CTPS1: variants seen among roughly 807,000 people sequenced by gnomAD.
The protein encoded by CTPS1 is CTP synthase 1.
In CTPS1, 25 loss-of-function variants were observed where a neutral mutation model predicts 80.5. That is an observed-to-expected ratio of 0.31 (90% CI 0.23 to 0.43). The LOEUF (loss-of-function observed/expected upper bound fraction) is 0.43, where lower values mean the gene tolerates loss of function less well. CTPS1 is among the 20% of genes least tolerant of loss of function. The pLI is 1.00. For missense variants in CTPS1, 442 were observed against 725.7 expected (o/e 0.61, Z 4.49); for synonymous variants, 267 against 252.5 (o/e 1.06, Z -0.54).
In CTPS1 at chr1:40,988,525, G is replaced by A. The variant is rs767718725; in HGVS notation, c.439-69G>A. 9.4e-5 allele frequency: 93 copies of A among 985,096 alleles called. 1 individual carries two copies. The highest frequency in any genetic ancestry group is 1.5e-4 in the Non-Finnish European group (90 of 613,434). The allele number at this position is 985,096 out of a possible 1,614,324, so 61.0% of individuals were successfully genotyped here. On this transcript the variant is annotated intron_variant, in intron 4 of 18. Transcript: ENST00000650070. The stretch of plus-strand genomic sequence containing the variant: ...GATACTGAATCAGGAAGACAGAACA[G>A]TTGTTAGAAAACTAAACTGCCAGAG...
At chr1:41,010,639 TGAAG>T (rs1643149550) in intron 18 of CTPS1, among the ~76,000 whole-genome samples, 1 of 152,166 alleles carries the variant, frequency 6.6e-6, no homozygotes, top group South Asian at 2.1e-4. Context: ...TTGGAGATCT[TGAAG>T]GAAGGGACAG....
intron 14 of CTPS1, among the ~76,000 whole-genome samples, chr1:41,008,159 C>A (rs1643081183): frequency 1.3e-5 from 2 of 152,096 alleles, no homozygotes. Flanking sequence ...TTGGGGATCT[C>A]GAGGCAACTG....
In CTPS1 at chr1:40,983,348, G is replaced by A. The variant is rs545128484; in HGVS notation, c.58G>A (p.Ala20Thr). Residue 20 changes from alanine to threonine, a missense_variant, in exon 2 of 19, where the codon GCC becomes ACC. Physicochemically the swap from Ala to Thr is moderately conservative, Grantham distance 58 (BLOSUM62 0). This residue lies in a region of CTPS1 where 25 missense variants were observed against 72.7 expected (regional missense o/e 0.34). Coordinates refer to ENST00000650070, the MANE Select transcript of CTPS1 (RefSeq NM_001905.4). ...ATCAGGAATTGGAAAAGGAATCATTGCCAGCAGTGTGGGCACAATACTCAA... is the reference window on the plus strand; with the variant it reads ...ATCAGGAATTGGAAAAGGAATCATTACCAGCAGTGTGGGCACAATACTCAA... ...VISGIGKGII[A>T]SSVGTILKSC... 2.5e-6 allele frequency: 4 copies of A among 1,614,062 alleles called. No homozygotes were observed. The highest frequency in any genetic ancestry group is 1.3e-5 in the African/African-American group (1 of 75,056).
At chr1:40,993,489 C>T (rs141618855) in intron 7 of CTPS1, among the ~76,000 whole-genome samples, 20 of 152,206 alleles carry the variant, frequency 1.3e-4, no homozygotes, top group South Asian at 2.1e-4. Flanking sequence ...CTTAGGCGGA[C>T]GCTACCATGT....
In CTPS1 at chr1:40,987,230, G is replaced by A. The variant is rs1642479303; in HGVS notation, c.338-142G>A. On this transcript the variant is annotated intron_variant, in intron 3 of 18. Coordinates refer to ENST00000650070, the MANE Select transcript of CTPS1 (RefSeq NM_001905.4). ...AGAGATTTGTTGAGGCCAGTTAAAG[G>A]GGGCCTCAAAAGTATTTTTATGACC... 2.5e-5 allele frequency: 16 copies of A among 637,274 alleles called. No homozygotes were observed. The South Asian group carries it at 2.9e-4, about 12-fold the overall frequency. 39.5% of individuals were successfully genotyped at this position (637,274 alleles called of 1,614,324 possible).
intron 18 of CTPS1, among the ~76,000 whole-genome samples, chr1:41,010,485 G>C (rs537937213): frequency 2.0e-5 from 3 of 152,304 alleles, no homozygotes; most frequent in African/African-American, 7.2e-5. Context: ...GTCCTGCCCT[G>C]GGGATGACAG....
intron 13 of CTPS1, 52 bp downstream of exon 13, chr1:41,006,146 AT>A: frequency 7.1e-7 from 1 of 1,412,902 alleles, no homozygotes; most frequent in South Asian, 1.2e-5. Context: ...TAGAAGGGGC[AT>A]TTATGAACGT....
rs1570981344 is a variant in CTPS1 at position 41,007,085 on chromosome 1, T to G, written c.1297-364T>G. ...TGCATCCCTTGCCTTTGAGCAGTCA[T>G]CAGGCTAGCTGGGGCGATGACAGAC... On this transcript the variant is annotated intron_variant, in intron 13 of 18. Coordinates refer to ENST00000650070, the MANE Select transcript of CTPS1 (RefSeq NM_001905.4). The surrounding 1 kb of genome is among the most constrained non-coding windows in gnomAD (Gnocchi z 4.4). Among the ~76,000 whole-genome samples the G allele has an allele frequency of 1.3e-5, 2 of 152,192 alleles. No homozygotes were observed. The highest frequency in any genetic ancestry group is 1.3e-4 in the Admixed American group (2 of 15,272).
chr1:40,981,857 C>T (rs1177298150), intron 1 of CTPS1: 40 of 461,364 alleles, frequency 8.7e-5, no homozygotes, highest in Non-Finnish European at 1.2e-4. Context: ...TGTGTTCTTT[C>T]TTGCTCTGGG....
intron 10 of CTPS1, among the ~76,000 whole-genome samples, chr1:41,001,745 A>G (rs940690405): frequency 2.0e-5 from 3 of 152,098 alleles, no homozygotes; most frequent in African/African-American, 7.2e-5. Context: ...CCCTGTTTCT[A>G]CAACAAAAAC....
chr1:40,986,915 A>G (rs548072228), intron 3 of CTPS1, among the ~76,000 whole-genome samples: 2 of 152,036 alleles, frequency 1.3e-5, no homozygotes, highest in South Asian at 4.2e-4. Context: ...GCTTCTAACC[A>G]CTCTGCTGTG....
intron 7 of CTPS1, among the ~76,000 whole-genome samples, chr1:40,992,082 T>C (rs1642625234): frequency 6.6e-6 from 1 of 152,164 alleles, no homozygotes; most frequent in South Asian, 2.1e-4. Flanking sequence ...GGAGTATCTT[T>C]CGGTTCCCCT....
chr1:40,987,609 G>A (rs1642488490), intron 4 of CTPS1, 137 bp downstream of exon 4: 1 of 570,166 alleles, frequency 1.8e-6, no homozygotes, highest in African/African-American at 3.3e-5. Context: ...GCAGGTAAGG[G>A]CACAGTTAAC....
chr1:41,001,114 C>T lies in CTPS1; in HGVS notation c.1091C>T (p.Ala364Val). Reference sequence around the variant, plus strand: ...GAAGCTTGGCAGAAGCTCTGTAGTGCTCAGTGAGTAGAGTTCGCTGCCTTG... The same window carrying T: ...GAAGCTTGGCAGAAGCTCTGTAGTGTTCAGTGAGTAGAGTTCGCTGCCTTG... ...YHEAWQKLCS[A>V]HGVLVPGGFG... Residue 364 changes from alanine to valine, a missense_variant, in exon 10 of 19, where the codon GCT (alanine) becomes GTT (valine). Physicochemically the swap from Ala to Val is moderately conservative, Grantham distance 64. Around this residue, in one of 4 missense-constraint regions of CTPS1, gnomAD observed 321 missense variants for 467.2 expected, o/e 0.69. Coordinates refer to ENST00000650070, the MANE Select transcript of CTPS1 (RefSeq NM_001905.4). 6.2e-7 allele frequency: 1 copy of T among 1,606,554 alleles called. No individual in the cohort carries two copies. The highest frequency in any genetic ancestry group is 8.5e-7 in the Non-Finnish European group (1 of 1,177,642).
chr1:41,003,073 T>C (rs746021939), intron 11 of CTPS1, 41 bp from the exon 12 acceptor site: 17 of 1,611,184 alleles, frequency 1.1e-5, no homozygotes, highest in Non-Finnish European at 1.4e-5. Context: ...GGAGCTGCCT[T>C]TTCAATGGAG....
intron 9 of CTPS1, among the ~76,000 whole-genome samples, chr1:40,998,092 T>C (rs1284320975): frequency 6.6e-6 from 1 of 152,142 alleles, no homozygotes; most frequent in Non-Finnish European, 1.5e-5. Flanking sequence ...CAGTAGAGTG[T>C]CATGGTTAAG....
At chr1:41,006,132 GGT>G in intron 13 of CTPS1, 38 bp downstream of exon 13, 1 of 1,515,238 alleles carries the variant, frequency 6.6e-7, no homozygotes, top group Non-Finnish European at 9.2e-7. Context: ...GGCTTAGAAG[GGT>G]GTAGAAGGGG....
At position 41,002,234 on chromosome 1, in the gene CTPS1, A is replaced by T; in HGVS notation, c.1169A>T (p.Asn390Ile). 6.2e-7 allele frequency: 1 copy of T among 1,614,186 alleles called. No individual in the cohort carries two copies. The highest frequency in any genetic ancestry group is 1.1e-5 in the South Asian group (1 of 91,082). The change falls in exon 11 of 19, where the codon AAT (asparagine) becomes ATT (isoleucine). Residue 390 changes from asparagine to isoleucine, a missense_variant. Physicochemically the swap from Asn to Ile is moderately radical, Grantham distance 149. Transcript: ENST00000650070. ...ATCCAAGCAATTGCCTGGGCTCGGA[A>T]TCAGAAAAAGCCTTTTTTGGGTAAG... ...GKIQAIAWAR[N>I]QKKPFLGVCL...
At chr1:41,003,308 C>T (rs1459146480) in intron 12 of CTPS1, 132 bp downstream of exon 12, 15 of 897,362 alleles carry the variant, frequency 1.7e-5, no homozygotes, top group Non-Finnish European at 2.3e-5. Flanking sequence ...CATGGTGTGC[C>T]GTAAGGGAGC....
Sources: allele counts gnomAD v4.1 joint callset (sites outside exome capture counted in the v4.1 genomes callset), GRCh38; gene constraint gnomAD v4.1.1; regional missense constraint gnomAD v4.1.1; non-coding constraint Gnocchi (gnomAD v3.1); transcripts MANE v1.5; gene names NCBI Gene and HGNC (gene_info 2026-07-23, HGNC 2026-07-21).